The following DSCAM variants were observed in gnomAD, a reference collection of about 807,000 sequenced individuals.
DSCAM encodes the protein DS cell adhesion molecule.
A neutral mutation model predicts 217.7 loss-of-function variants in DSCAM; 47 were observed. That is an observed-to-expected ratio of 0.22 (90% confidence interval 0.17 to 0.28). The LOEUF is 0.28. DSCAM is among the 10% of genes least tolerant of loss of function. The pLI is 1.00. For synonymous variants in DSCAM, 1,056 were observed against 1,015.3 expected, an observed-to-expected ratio of 1.04 and a Z score of -0.76; for missense variants, 2,080 against 2,618.3, an observed-to-expected ratio of 0.79 and a Z score of 4.49.
chr21:40,544,256 A>G (rs1274083636), intron 3 of DSCAM, among the ~76,000 whole-genome samples: 1 of 152,222 alleles, frequency 6.6e-6, no homozygotes, highest in East Asian at 1.9e-4. Flanking sequence ...TATGCAAAGT[A>G]TATGCAAATC....
At chr21:40,065,992 C>A (rs1239577976) in intron 27 of DSCAM, among the ~76,000 whole-genome samples, 4 of 152,250 alleles carry the variant, frequency 2.6e-5, no homozygotes, top group African/African-American at 9.6e-5. Context: ...TTGCCACTTT[C>A]TGCAGAGAGC....
intron 3 of DSCAM, among the ~76,000 whole-genome samples, chr21:40,473,544 G>T (rs1407459364): frequency 6.6e-6 from 1 of 152,166 alleles, no homozygotes; most frequent in African/African-American, 2.4e-5. Context: ...CTGAAATTGG[G>T]CAGCGGTCAC....
rs571694219 is a variant in DSCAM at position 40,762,436 on chromosome 21, C to A, written c.44-53665G>T. Among the ~76,000 whole-genome samples the A allele has an allele frequency of 4.1e-4, 62 of 152,254 alleles. No homozygotes were observed. In the South Asian group the frequency reaches 0.012, roughly 31 times the overall value. On this transcript the variant is annotated intron_variant, in intron 1 of 32. Transcript: ENST00000400454. ...GGAAGAAGATGAATCCCTGAATAGA[C>A]CAATAACAAGTTCTGAAATTGAGGC...
chr21:40,323,538 A>C (rs145224587), intron 8 of DSCAM, among the ~76,000 whole-genome samples: 161 of 152,344 alleles, frequency 1.1e-3, no homozygotes, highest in Non-Finnish European at 2.1e-3. Flanking sequence ...AAAAGAAGCA[A>C]GGGAAAACGT....
chr21:40,256,392 G>A lies in DSCAM; in HGVS notation c.2356+19705C>T, dbSNP rs376491274. On this transcript the variant is annotated intron_variant, in intron 11 of 32. Transcript: ENST00000400454. The stretch of plus-strand genomic sequence containing the variant: ...CCAGAGAAACAGAACCAATAGGAGA[G>A]AGAGAGACAGACAGAGAGAGAGAGA... Among the ~76,000 whole-genome samples the A allele has an allele frequency of 8.3e-4, 125 of 150,128 alleles. No homozygotes were observed. In the South Asian group the frequency reaches 9.0e-3, roughly 11 times the overall value.
At chr21:40,664,884 G>C (rs2090182967) in intron 3 of DSCAM, among the ~76,000 whole-genome samples, 1 of 152,184 alleles carries the variant, frequency 6.6e-6, no homozygotes, top group African/African-American at 2.4e-5. Context: ...ACCAGGTCCT[G>C]GAGGTGGACC....
At chr21:40,083,845 T>C in intron 24 of DSCAM, 63 bp downstream of exon 24, 2 of 1,349,032 alleles carry the variant, frequency 1.5e-6, no homozygotes, top group South Asian at 1.3e-5. Flanking sequence ...TGAAGATGTG[T>C]CACTTATTGG....
In DSCAM at chr21:40,236,487, A is replaced by T. The variant is rs578063571; in HGVS notation, c.2356+39610T>A. On this transcript the variant is annotated intron_variant, in intron 11 of 32. Coordinates refer to ENST00000400454, the MANE Select transcript of DSCAM (RefSeq NM_001389.5). ...GTAGGGTGTTACTTCCAGGGTACAA[A>T]TACATGGGGTAAGGAGCTAGATCTC... Among the ~76,000 whole-genome samples the T allele has an allele frequency of 2.0e-4, 30 of 152,156 alleles. No individual in the cohort carries two copies. In the South Asian group the frequency reaches 6.0e-3, roughly 31 times the overall value.
intron 3 of DSCAM, among the ~76,000 whole-genome samples, chr21:40,664,910 G>T (rs888584553): frequency 3.9e-5 from 6 of 152,196 alleles, no homozygotes; most frequent in African/African-American, 1.4e-4. Flanking sequence ...TCCCCTTGGT[G>T]ATAAGTGAGT....
chr21:40,127,561 A>G (rs569034188), intron 19 of DSCAM, among the ~76,000 whole-genome samples: 1 of 152,312 alleles, frequency 6.6e-6, no homozygotes, highest in Admixed American at 6.5e-5. Flanking sequence ...ACATTCCTCC[A>G]ATGCACCTGG....
intron 18 of DSCAM, among the ~76,000 whole-genome samples, chr21:40,139,952 T>C (rs981743044): frequency 6.7e-6 from 1 of 150,244 alleles, no homozygotes; most frequent in African/African-American, 2.5e-5. Context: ...TGGTATGTGA[T>C]GTTTGTGAGG....
chr21:40,578,529 C>T (rs144706615), intron 3 of DSCAM, among the ~76,000 whole-genome samples: 5,757 of 152,200 alleles, frequency 0.038, 307 homozygotes, highest in African/African-American at 0.12. Context: ...GACCAATCAG[C>T]AGGATGTGGG....
chr21:40,431,386 A>G (rs1232691683), intron 3 of DSCAM, among the ~76,000 whole-genome samples: 2 of 149,262 alleles, frequency 1.3e-5, no homozygotes, highest in South Asian at 2.2e-4. Context: ...AAACAAGGAC[A>G]AAGACCTTTA....
At chr21:40,088,864 C>A (rs1320845497) in intron 21 of DSCAM, among the ~76,000 whole-genome samples, 1 of 152,208 alleles carries the variant, frequency 6.6e-6, no homozygotes, top group Non-Finnish European at 1.5e-5. Flanking sequence ...ATATGTTTTA[C>A]ATCAAACTCC....
At chr21:40,189,315 C>A in intron 11 of DSCAM, 77 bp from the exon 12 acceptor site, 1 of 1,167,790 alleles carries the variant, frequency 8.6e-7, no homozygotes, top group Non-Finnish European at 1.2e-6. Context: ...CTCAGGTAAA[C>A]CATGCTTCAA....
intron 11 of DSCAM, among the ~76,000 whole-genome samples, chr21:40,274,865 C>A (rs996799058): frequency 1.3e-5 from 2 of 152,064 alleles, no homozygotes; most frequent in South Asian, 2.1e-4. Context: ...AAAATAAATT[C>A]TTCGTGAGTT....
At chr21:40,729,386 G>A (rs577395710) in intron 1 of DSCAM, among the ~76,000 whole-genome samples, 18 of 152,292 alleles carry the variant, frequency 1.2e-4, no homozygotes, top group Non-Finnish European at 2.4e-4. Context: ...TCTGTTTCCA[G>A]CTCCTTAAAG....
chr21:40,586,609 C>T (rs1016697971), intron 3 of DSCAM, among the ~76,000 whole-genome samples: 1 of 152,164 alleles, frequency 6.6e-6, no homozygotes, highest in African/African-American at 2.4e-5. Context: ...TTTTGCATTC[C>T]TGACCAGCTT....
At chr21:40,485,841 T>C (rs555455148) in intron 3 of DSCAM, among the ~76,000 whole-genome samples, 9 of 152,238 alleles carry the variant, frequency 5.9e-5, no homozygotes, top group African/African-American at 2.2e-4. Context: ...TACACATACA[T>C]ACACACTGAC....
Sources: allele counts gnomAD v4.1 joint callset (sites outside exome capture counted in the v4.1 genomes callset), GRCh38; gene constraint gnomAD v4.1.1; transcripts MANE v1.5; gene names NCBI Gene and HGNC (gene_info 2026-07-23, HGNC 2026-07-21).